The following ADGRG3 variants were observed in gnomAD, a reference collection of about 807,000 sequenced individuals.
ADGRG3 encodes G protein-coupled receptor 97.
Under a neutral mutation model 54.3 loss-of-function variants are expected in ADGRG3, and 39 were observed. The observed-to-expected ratio is 0.72, with a 90% CI of 0.56 to 0.94. The LOEUF is 0.94. Among genes scored for constraint, ADGRG3 ranks in the 40% least tolerant of loss-of-function variants. The probability of loss-of-function intolerance (pLI) is 0.00; values close to 1 mark genes in which losing one functional copy is unlikely to be tolerated. For missense variants in ADGRG3, 654 were observed against 694.6 expected (o/e 0.94, Z 0.66); for synonymous variants, 312 against 290.0 (o/e 1.08, Z -0.77).
upstream of ADGRG3, chr16:57,668,222 T>G (rs1597748452): frequency 4.1e-6 from 3 of 724,420 alleles, no homozygotes; most frequent in East Asian, 2.8e-5. Flanking sequence ...GCAGGAAGGG[T>G]GAGAAAGAGG....
At chr16:57,688,308 G>C in intron 11 of ADGRG3, 44 bp from the exon 12 acceptor site, 1 of 1,273,484 alleles carries the variant, frequency 7.9e-7, no homozygotes, top group African/African-American at 1.5e-5. Flanking sequence ...CCCACTCTCT[G>C]CCCACCCCTT....
intron 2 of ADGRG3, among the ~76,000 whole-genome samples, chr16:57,675,399 C>T (rs1258524932): frequency 6.6e-6 from 1 of 152,094 alleles, no homozygotes; most frequent in Non-Finnish European, 1.5e-5. Context: ...CCGAGGCAAG[C>T]GGATCGCTTG....
At chr16:57,686,514 C>T (rs1375684475) in intron 11 of ADGRG3, among the ~76,000 whole-genome samples, 1 of 152,178 alleles carries the variant, frequency 6.6e-6, no homozygotes, top group East Asian at 1.9e-4. Flanking sequence ...CCAGACATAT[C>T]AGCTGCCTTC....
At chr16:57,666,476 C>T (rs901576004), upstream of ADGRG3, among the ~76,000 whole-genome samples, 9 of 152,188 alleles carry the variant, frequency 5.9e-5, no homozygotes, top group Admixed American at 6.5e-5. Flanking sequence ...TGTGGCCAGG[C>T]GTGCATCTGG....
At position 57,684,436 on chromosome 16, in the gene ADGRG3, C is replaced by T. The variant is rs776699184; in HGVS notation, c.1209C>T (p.Tyr403=). ...TCGGCACTGGGAGTGCCAACAGCTACGGCCTCTACACCATCCGTGATAGGG... is the reference window on the plus strand; with the variant it reads ...TCGGCACTGGGAGTGCCAACAGCTATGGCCTCTACACCATCCGTGATAGGG... ...MVIGTGSANS[Y]GLYTIRDREN... The change falls in exon 10 of 12, where the codon TAC becomes TAT. Residue 403 remains tyrosine (Y), a synonymous_variant. Coordinates refer to ENST00000333493, the MANE Select transcript of ADGRG3 (RefSeq NM_170776.5). 5.0e-6 allele frequency: 8 copies of T among 1,613,794 alleles called. No homozygotes were observed. The highest frequency in any genetic ancestry group is 1.3e-5 in the African/African-American group (1 of 74,866).
intron 2 of ADGRG3, among the ~76,000 whole-genome samples, chr16:57,673,812 G>A (rs534204151): frequency 3.9e-5 from 6 of 152,354 alleles, no homozygotes; most frequent in African/African-American, 1.4e-4. Context: ...AGGCTTCACA[G>A]AGGAGGAAAC....
rs368015373 is a variant in ADGRG3, at chr16:57,683,967, C to T, written c.917C>T (p.Pro306Leu). 1 of 1,583,094 alleles carries T rather than the reference C, an allele frequency of 6.3e-7. No individual in the cohort carries two copies. Among genetic ancestry groups the T allele is most frequent in the African/African-American group, 1.3e-5 (1 of 74,228 alleles). Residue 306 changes from proline to leucine, a missense_variant, in exon 9 of 12, where the codon CCA becomes CTA. Physicochemically the swap from Pro to Leu is moderately conservative, Grantham distance 98. Transcript: ENST00000333493. ...GAGAGGTTCAAGTCAGAAGATGCCC[C>T]AAAGATCCACGTGGCCCTGGGTGGC... is the stretch of plus-strand genomic sequence containing the variant. Reference protein sequence around the residue: ...SRERFKSEDAPKIHVALGGSL... With the variant: ...SRERFKSEDALKIHVALGGSL...
chr16:57,685,907 A>G lies in ADGRG3; in HGVS notation c.1521A>G (p.Ala507=). The change falls in exon 11 of 12, where the codon GCA becomes GCG. Residue 507 remains alanine (A), a synonymous_variant. Coordinates refer to ENST00000333493, the MANE Select transcript of ADGRG3 (RefSeq NM_170776.5). ...PLGLSTVYIF[A]LFNSLQGVFI... ...GCCTCTCCACCGTCTACATCTTTGC[A>G]CTTTTCAACTCCTTGCAAGGTGAGG... 1.2e-6 allele frequency: 2 copies of G among 1,613,992 alleles called. No homozygotes were observed. The highest frequency in any genetic ancestry group is 8.5e-7 in the Non-Finnish European group (1 of 1,179,964).
upstream of ADGRG3, chr16:57,668,222 T>C (rs1597748452): frequency 2.1e-5 from 15 of 724,336 alleles, 1 homozygote; most frequent in African/African-American, 1.8e-5. Flanking sequence ...GCAGGAAGGG[T>C]GAGAAAGAGG....
chr16:57,680,161 C>G, intron 6 of ADGRG3, 104 bp from the exon 7 acceptor site: 1 of 542,754 alleles, frequency 1.8e-6, no homozygotes, highest in South Asian at 1.8e-5. Flanking sequence ...CTCCCTTACC[C>G]TCCCCTCCCT....
rs754696415 is a variant in ADGRG3 at position 57,678,259 on chromosome 16, G to A, written c.435G>A (p.Arg145=). 4 of 1,614,094 alleles carry A rather than the reference G, an allele frequency of 2.5e-6. No homozygotes were observed. The Admixed American group carries it at 5.0e-5, about 20-fold the overall frequency. The part of the protein sequence containing the change: ...KSLFRSLPGN[R]SVVRLAVTIL... ...TTTTTCGATCCCTGCCAGGCAACAGGTCTGTGGTCCGCTTGGCCGTCACCA... is the reference window on the plus strand; with the variant it reads ...TTTTTCGATCCCTGCCAGGCAACAGATCTGTGGTCCGCTTGGCCGTCACCA... Residue 145 remains arginine, a synonymous_variant, in exon 4 of 12, where the codon AGG becomes AGA. Coordinates refer to ENST00000333493, the MANE Select transcript of ADGRG3 (RefSeq NM_170776.5).
chr16:57,669,256 C>T (rs187252672), intron 1 of ADGRG3, among the ~76,000 whole-genome samples: 129 of 152,340 alleles, frequency 8.5e-4, no homozygotes, highest in Middle Eastern at 3.4e-3. Flanking sequence ...CGTGTGGTCG[C>T]GTGACTTTGG....
rs776486100 is a variant in ADGRG3, at chr16:57,688,474, CT to C, written c.*14del. ...ATCTCAAGAATAGGAAGGCACGGCC[CT>C]GCAATATGGACTCAGCTCTGGCTCT... On this transcript the variant is annotated 3_prime_UTR_variant, in exon 12 of 12. Transcript: ENST00000333493. 2 of 1,447,786 alleles carry C rather than the reference CT, an allele frequency of 1.4e-6. No individual in the cohort carries two copies. The highest frequency in any genetic ancestry group is 2.8e-5 in the African/African-American group (2 of 71,454). The allele number at this position is 1,447,786 out of a possible 1,614,324, so 89.7% of individuals were successfully genotyped here. A position where few individuals can be genotyped will look rare whatever the true frequency, so the allele number is the denominator to read the frequency against.
chr16:57,669,553 C>A (rs1197540870), intron 1 of ADGRG3, among the ~76,000 whole-genome samples: 2 of 152,172 alleles, frequency 1.3e-5, no homozygotes, highest in African/African-American at 2.4e-5. Context: ...ATGCTGTTTC[C>A]CCCATGGTGA....
At position 57,688,590 on chromosome 16, in the gene ADGRG3, C is replaced by T. The variant is rs1459660414; in HGVS notation, c.*129C>T. ...GTGGCTGGGGAGGGAGAGGATGGGA[C>T]CAGGTTGGACCACGTGGCATCAGAG... is the stretch of plus-strand genomic sequence containing the variant. On this transcript the variant is annotated 3_prime_UTR_variant, in exon 12 of 12. Transcript: ENST00000333493. 7.3e-6 allele frequency: 5 copies of T among 681,626 alleles called. No homozygotes were observed. Among genetic ancestry groups the T allele is most frequent in the Non-Finnish European group, 1.3e-5 (5 of 374,166 alleles). 42.2% of individuals were successfully genotyped at this position (681,626 alleles called of 1,614,324 possible).
chr16:57,682,438 G>A (rs2048390910), intron 8 of ADGRG3: 1 of 977,650 alleles, frequency 1.0e-6, no homozygotes, highest in Admixed American at 6.2e-5. Flanking sequence ...ATCCATCACA[G>A]ACCAACCCAT....
At position 57,685,632 on chromosome 16, in the gene ADGRG3, C is replaced by G; in HGVS notation, c.1257-11C>G. On this transcript the variant is annotated splice_polypyrimidine_tract_variant and intron_variant, in intron 10 of 11. Transcript: ENST00000333493. Reference sequence around the variant, plus strand: ...CACTCCCAGTCCCACCACAGCTGCCCCCTCCTCCAGATGCTGGTTCCGTGA... The same window carrying G: ...CACTCCCAGTCCCACCACAGCTGCCGCCTCCTCCAGATGCTGGTTCCGTGA... 6.2e-7 allele frequency: 1 copy of G among 1,612,958 alleles called. No homozygotes were observed. Among genetic ancestry groups the G allele is most frequent in the Non-Finnish European group, 8.5e-7 (1 of 1,179,054 alleles).
intron 4 of ADGRG3, chr16:57,678,596 T>G (rs562201416): frequency 2.6e-4 from 130 of 505,004 alleles, no homozygotes; most frequent in African/African-American, 1.9e-3. Flanking sequence ...GTGCTCTGTG[T>G]GTCCTCGTGC....
chr16:57,681,964 G>A (rs1402368682), intron 8 of ADGRG3, among the ~76,000 whole-genome samples: 1 of 152,192 alleles, frequency 6.6e-6, no homozygotes, highest in Non-Finnish European at 1.5e-5. Context: ...AGTCTTACTG[G>A]TCTAACTTGG....
Sources: allele counts gnomAD v4.1 joint callset (sites outside exome capture counted in the v4.1 genomes callset), GRCh38; gene constraint gnomAD v4.1.1; transcripts MANE v1.5; gene names NCBI Gene and HGNC (gene_info 2026-07-23, HGNC 2026-07-21).